DLG2: variants seen among roughly 807,000 people sequenced by gnomAD.
DLG2 encodes disks large homolog 2.
A neutral mutation model predicts 132.5 loss-of-function variants in DLG2; 45 were observed. The ratio of observed to expected loss-of-function variants is 0.34; its 90% CI spans 0.27 to 0.44. The LOEUF (loss-of-function observed/expected upper bound fraction) is 0.44. Ranked by LOEUF, DLG2 falls within the 20% of genes least tolerant of loss-of-function variation. The pLI is 1.00. For missense variants in DLG2, 1,045 were observed against 1,196.9 expected, an observed-to-expected ratio of 0.87 and a Z score of 1.87; for synonymous variants, 424 against 419.6, an observed-to-expected ratio of 1.01 and a Z score of -0.13.
chr11:83,656,916 C>T (rs936155837), intron 18 of DLG2, among the ~76,000 whole-genome samples: 9 of 152,100 alleles, frequency 5.9e-5, no homozygotes, highest in Non-Finnish European at 1.2e-4. Context: ...GAGGTGGAAC[C>T]TCCAATAGTC....
chr11:84,165,378 G>A (rs1330033776), intron 8 of DLG2, among the ~76,000 whole-genome samples: 3 of 152,120 alleles, frequency 2.0e-5, no homozygotes, highest in African/African-American at 7.2e-5. Flanking sequence ...AACATTTCTA[G>A]GATCCTAAAT....
intron 3 of DLG2, among the ~76,000 whole-genome samples, chr11:85,417,397 G>C (rs948585172): frequency 6.6e-6 from 1 of 151,982 alleles, no homozygotes; most frequent in African/African-American, 2.4e-5. Flanking sequence ...ATACTGACCT[G>C]AAATATTCTT....
chr11:84,035,904 G>C (rs1444699741), intron 11 of DLG2, among the ~76,000 whole-genome samples: 1 of 152,092 alleles, frequency 6.6e-6, no homozygotes, highest in Non-Finnish European at 1.5e-5. Context: ...AGAAATCCGG[G>C]ATGATTCTTC....
intron 18 of DLG2, among the ~76,000 whole-genome samples, chr11:83,658,014 G>A (rs924400463): frequency 7.9e-5 from 12 of 152,152 alleles, no homozygotes; most frequent in Non-Finnish European, 1.5e-5. Flanking sequence ...TGTGGAATAA[G>A]GATAATAGCC....
chr11:84,592,924 T>G (rs1257753040), intron 6 of DLG2, among the ~76,000 whole-genome samples: 1 of 99,642 alleles, frequency 1.0e-5, no homozygotes, highest in Non-Finnish European at 1.8e-5. Context: ...GGTGAAACCC[T>G]GTCTCTACTA....
At chr11:84,052,886 C>A (rs2096421686) in intron 11 of DLG2, among the ~76,000 whole-genome samples, 1 of 151,994 alleles carries the variant, frequency 6.6e-6, no homozygotes, top group Non-Finnish European at 1.5e-5. Flanking sequence ...GGCAGATGTA[C>A]CATTTGACTC....
intron 14 of DLG2, among the ~76,000 whole-genome samples, chr11:83,937,087 A>T (rs73508293): frequency 0.021 from 3,121 of 152,174 alleles, 98 homozygotes; most frequent in African/African-American, 0.071. Context: ...TTTTAATTGA[A>T]CTCATAGGAT....
intron 15 of DLG2, among the ~76,000 whole-genome samples, chr11:83,884,135 C>T (rs369811153): frequency 1.2e-3 from 178 of 152,280 alleles, no homozygotes; most frequent in Middle Eastern, 3.4e-3. Flanking sequence ...CGAAGCAGGG[C>T]GAGGCATTGC....
intron 4 of DLG2, among the ~76,000 whole-genome samples, chr11:85,180,755 T>A (rs1165203761): frequency 6.6e-6 from 1 of 151,814 alleles, no homozygotes; most frequent in Non-Finnish European, 1.5e-5. Context: ...CTCTCACTTA[T>A]ACATCAGGGG....
At chr11:84,406,018 T>A (rs1381259028) in intron 7 of DLG2, among the ~76,000 whole-genome samples, 1 of 152,184 alleles carries the variant, frequency 6.6e-6, no homozygotes, top group East Asian at 1.9e-4. Context: ...ACAGTTTTGT[T>A]ATTCACTCTA....
intron 7 of DLG2, among the ~76,000 whole-genome samples, chr11:84,393,692 A>AT (rs71986623): frequency 2.0e-5 from 3 of 151,492 alleles, no homozygotes; most frequent in African/African-American, 7.3e-5. Flanking sequence ...TTTTGTGTTT[A>AT]TTTTTTTCTT....
chr11:85,614,545 CA>C (rs1722287383), intron 2 of DLG2, among the ~76,000 whole-genome samples: 1 of 152,132 alleles, frequency 6.6e-6, no homozygotes, highest in South Asian at 2.1e-4. Context: ...GAGGCTGAGG[CA>C]GAAGAACAGC....
chr11:84,651,992 A>C (rs1266723013), intron 6 of DLG2, among the ~76,000 whole-genome samples: 1 of 152,204 alleles, frequency 6.6e-6, no homozygotes, highest in Non-Finnish European at 1.5e-5. Context: ...TAAATATATG[A>C]GGAAAGACTA....
At chr11:85,456,041 C>T (rs2092411067) in intron 3 of DLG2, among the ~76,000 whole-genome samples, 2 of 152,144 alleles carry the variant, frequency 1.3e-5, no homozygotes, top group Non-Finnish European at 1.5e-5. Context: ...ATTAGTTTCA[C>T]TAGGAGTGGT....
intron 11 of DLG2, among the ~76,000 whole-genome samples, chr11:84,041,331 G>A (rs1593806017): frequency 6.6e-6 from 1 of 151,944 alleles, no homozygotes; most frequent in African/African-American, 2.4e-5. Context: ...TATGCCAAAG[G>A]GTTTAAGCAG....
rs1258366651 is a variant in DLG2, at chr11:84,694,608, C to G, written c.358-159877G>C. Among the ~76,000 whole-genome samples the G allele has an allele frequency of 2.6e-5, 4 of 151,456 alleles. 1 individual carries two copies. Among genetic ancestry groups the G allele is most frequent in the Non-Finnish European group, 5.9e-5 (4 of 67,654 alleles). On this transcript the variant is annotated intron_variant, in intron 6 of 27. Coordinates refer to ENST00000376104, the MANE Select transcript of DLG2 (RefSeq NM_001142699.3). ...GACATGAATCCTACAAACTTTTTTA[C>G]TGGCCTACTTTGTTTTATCAGAGAA...
chr11:84,426,631 C>G (rs947512201), intron 7 of DLG2, among the ~76,000 whole-genome samples: 1 of 152,030 alleles, frequency 6.6e-6, no homozygotes, highest in African/African-American at 2.4e-5. Flanking sequence ...TTATTATCTA[C>G]GAAAGGAAGG....
chr11:84,411,961 G>C (rs895671941), intron 7 of DLG2, among the ~76,000 whole-genome samples: 5 of 148,986 alleles, frequency 3.4e-5, no homozygotes, highest in African/African-American at 9.9e-5. Flanking sequence ...ACTATGTACT[G>C]GATTTTACAG....
At chr11:83,475,334 T>C (rs774661949) in intron 22 of DLG2, among the ~76,000 whole-genome samples, 4 of 152,142 alleles carry the variant, frequency 2.6e-5, no homozygotes, top group Non-Finnish European at 2.9e-5. Context: ...TTTGCGGGCC[T>C]TGAGGGGCTT....
Sources: gnomAD v4.1 joint callset for allele counts (sites outside exome capture counted in the v4.1 genomes callset) on GRCh38, gnomAD v4.1.1 for gene constraint, MANE v1.5 for transcripts, NCBI Gene and HGNC (gene_info 2026-07-23, HGNC 2026-07-21) for gene names.